The following TMEM128 variants were observed in gnomAD, a reference collection of about 807,000 sequenced individuals.
TMEM128 encodes transmembrane protein 128.
Under a neutral mutation model 19.7 loss-of-function variants are expected in TMEM128, and 16 were observed. The observed-to-expected ratio is 0.81, with a 90% CI of 0.55 to 1.23. The LOEUF (loss-of-function observed/expected upper bound fraction) is 1.23, where lower values mean the gene tolerates loss of function less well. Among genes scored for constraint, TMEM128 ranks in the 50% most tolerant of loss-of-function variants. TMEM128 has a pLI of 0.00. For missense variants in TMEM128, 237 were observed against 200.8 expected (o/e 1.18, Z -1.09); for synonymous variants, 98 against 75.8 (o/e 1.29, Z -1.52).
chr4:4,240,757 G>A (rs1360619840), intron 2 of TMEM128, among the ~76,000 whole-genome samples: 1 of 152,142 alleles, frequency 6.6e-6, no homozygotes, highest in African/African-American at 2.4e-5. Flanking sequence ...GGAAAATTCT[G>A]GTCATGACAA....
intron 2 of TMEM128, among the ~76,000 whole-genome samples, chr4:4,242,128 G>A (rs143526939): frequency 2.0e-5 from 3 of 152,046 alleles, no homozygotes; most frequent in Non-Finnish European, 4.4e-5. Flanking sequence ...GGCTGGTCTC[G>A]AATTCCTGAC....
chr4:4,247,635 T>C (rs369573953), intron 1 of TMEM128: 38 of 1,614,110 alleles, frequency 2.4e-5, no homozygotes, highest in Non-Finnish European at 3.1e-5. Flanking sequence ...TACCATAGTG[T>C]TCCACACTTC....
intron 1 of TMEM128, chr4:4,247,722 A>AC: frequency 1.3e-6 from 2 of 1,593,304 alleles, no homozygotes; most frequent in Non-Finnish European, 1.7e-6. Context: ...ATTTACTTAA[A>AC]CAGCTTTCTG....
intron 3 of TMEM128, among the ~76,000 whole-genome samples, chr4:4,239,024 G>A (rs1170514281): frequency 3.3e-5 from 5 of 152,064 alleles, no homozygotes; most frequent in African/African-American, 1.2e-4. Context: ...GTGACACAGT[G>A]AGACCCTATC....
In TMEM128 at chr4:4,246,320, T is replaced by C; in HGVS notation, c.121A>G (p.Lys41Glu). Residue 41 changes from lysine to glutamate, a missense_variant, in exon 2 of 5, where the codon AAG (lysine) becomes GAG (glutamate). Physicochemically the swap from Lys to Glu is moderately conservative, Grantham distance 56 (BLOSUM62 1). Coordinates refer to ENST00000382753, the MANE Select transcript of TMEM128 (RefSeq NM_001297551.2). ...GPETSTAVEK[K>E]EKPLPRLNIH... Reference sequence around the variant, plus strand: ...TTAAGTCTTGGAAGAGGTTTCTCCTTTTTCTCAACAGCTGTGGAGGTTTCT... The same window carrying C: ...TTAAGTCTTGGAAGAGGTTTCTCCTCTTTCTCAACAGCTGTGGAGGTTTCT... The C allele has an allele frequency of 6.2e-7, 1 of 1,610,052 alleles. No individual in the cohort carries two copies. The highest frequency in any genetic ancestry group is 1.1e-5 in the South Asian group (1 of 89,586).
In TMEM128 at chr4:4,235,808, C is replaced by T. The variant is rs1717696566; in HGVS notation, c.*458G>A. ...ACATCCAGTCATTTTATACAAGGAA[C>T]TGCTATCCCTTAAATGGAAGAGTGA... On this transcript the variant is annotated 3_prime_UTR_variant, in exon 5 of 5. Coordinates refer to ENST00000382753, the MANE Select transcript of TMEM128 (RefSeq NM_001297551.2). The T allele has an allele frequency of 6.6e-6, 1 of 152,630 alleles. No homozygotes were observed. The highest frequency in any genetic ancestry group is 2.4e-5 in the African/African-American group (1 of 41,454). 9.5% of individuals were successfully genotyped at this position (152,630 alleles called of 1,614,324 possible). A position where few individuals can be genotyped will look rare whatever the true frequency, so the allele number is the denominator to read the frequency against.
Position 4,242,523 on chromosome 4 carries a change from AT to A in TMEM128, c.240-2045del, listed in dbSNP as rs373516862. Among the ~76,000 whole-genome samples, 538 of 148,848 alleles carry A rather than the reference AT, an allele frequency of 3.6e-3. 4 individuals carry two copies. Among genetic ancestry groups the A allele is most frequent in the South Asian group, 0.024 (115 of 4,700 alleles). ...AACATGTGGATATGAGAAAAAAAAA[AT>A]TTTTTTTTTTTGAGACGGAGTCTCG... is the stretch of plus-strand genomic sequence containing the variant. On this transcript the variant is annotated intron_variant, in intron 2 of 4. Coordinates refer to ENST00000382753, the MANE Select transcript of TMEM128 (RefSeq NM_001297551.2).
intron 3 of TMEM128, among the ~76,000 whole-genome samples, chr4:4,240,035 G>A (rs1199078933): frequency 2.0e-5 from 3 of 152,026 alleles, no homozygotes; most frequent in Non-Finnish European, 4.4e-5. Flanking sequence ...ATTCATCTCA[G>A]TTTTTTTCAC....
chr4:4,241,671 G>A (rs1227697676), intron 2 of TMEM128, among the ~76,000 whole-genome samples: 3 of 152,162 alleles, frequency 2.0e-5, no homozygotes, highest in Non-Finnish European at 4.4e-5. Flanking sequence ...GGCTGTAGAG[G>A]GAAGGGGTTA....
In TMEM128 at chr4:4,246,356, G is replaced by A. The variant is rs750067494; in HGVS notation, c.98-13C>T. On this transcript the variant is annotated splice_polypyrimidine_tract_variant and intron_variant, in intron 1 of 4. Transcript: ENST00000382753. The stretch of plus-strand genomic sequence containing the variant: ...GCTGTGGAGGTTTCTGCAAATAAGG[G>A]AGATTTCAACTTATTAAGTTACCAC... The A allele has an allele frequency of 1.3e-6, 2 of 1,588,818 alleles. No homozygotes were observed. Among genetic ancestry groups the A allele is most frequent in the Non-Finnish European group, 1.7e-6 (2 of 1,172,160 alleles).
At chr4:4,239,457 C>T (rs1425924807) in intron 3 of TMEM128, among the ~76,000 whole-genome samples, 1 of 152,138 alleles carries the variant, frequency 6.6e-6, no homozygotes, top group Non-Finnish European at 1.5e-5. Context: ...GGACAAACAA[C>T]CACTTTGGAA....
intron 1 of TMEM128, among the ~76,000 whole-genome samples, 180 bp from the exon 2 acceptor site, chr4:4,246,523 A>G (rs868848992): frequency 4.5e-4 from 68 of 152,214 alleles, no homozygotes; most frequent in African/African-American, 1.5e-3. Flanking sequence ...CCACTATAAA[A>G]TATGGTCAAT....
At chr4:4,240,156 G>A (rs1717887804) in intron 3 of TMEM128, among the ~76,000 whole-genome samples, 165 bp downstream of exon 3, 1 of 152,124 alleles carries the variant, frequency 6.6e-6, no homozygotes, top group Non-Finnish European at 1.5e-5. Flanking sequence ...TAAATAGAAG[G>A]AGAAAGAGAT....
At position 4,248,207 on chromosome 4, in the gene TMEM128, G is replaced by C. The variant is rs1429851736; in HGVS notation, c.-5C>G. On this transcript the variant is annotated 5_prime_UTR_variant, in exon 1 of 5. Transcript: ENST00000382753. ...CCGGGCCCGCGAGGAGTCCATCTTG[G>C]TACCGCCCCGAAATGCGACGGAAGT... The C allele has an allele frequency of 2.0e-6, 3 of 1,499,740 alleles. No homozygotes were observed. The highest frequency in any genetic ancestry group is 2.8e-5 in the African/African-American group (2 of 70,258). The allele number at this position is 1,499,740 out of a possible 1,614,324, so 92.9% of individuals were successfully genotyped here.
chr4:4,246,085 C>T lies in TMEM128; in HGVS notation c.239+117G>A, dbSNP rs577674797. On this transcript the variant is annotated intron_variant, in intron 2 of 4. Coordinates refer to ENST00000382753, the MANE Select transcript of TMEM128 (RefSeq NM_001297551.2). ...ATTCATCTTCGTATCACCACACCTCCAACACAGGGCCTGGCAGAGAGTAGT... is the reference window on the plus strand; with the variant it reads ...ATTCATCTTCGTATCACCACACCTCTAACACAGGGCCTGGCAGAGAGTAGT... 1.6e-4 allele frequency: 176 copies of T among 1,081,494 alleles called. 1 individual carries two copies. The African/African-American group carries it at 2.5e-3, about 16-fold the overall frequency. The allele number at this position is 1,081,494 out of a possible 1,614,324, so 67.0% of individuals were successfully genotyped here.
intron 2 of TMEM128, 37 bp from the exon 3 acceptor site, chr4:4,240,516 T>C: frequency 3.1e-6 from 5 of 1,590,766 alleles, no homozygotes; most frequent in South Asian, 1.1e-5. Context: ...CTGACAGCAC[T>C]TAATGAATCG....
chr4:4,247,620 C>A (rs1205382381), intron 1 of TMEM128: 14 of 1,614,170 alleles, frequency 8.7e-6, no homozygotes, highest in African/African-American at 1.3e-5. Flanking sequence ...ACCCAAATGG[C>A]GGCATACCAT....
chr4:4,243,569 T>C (rs890936233), intron 2 of TMEM128, among the ~76,000 whole-genome samples: 1 of 152,210 alleles, frequency 6.6e-6, no homozygotes, highest in Non-Finnish European at 1.5e-5. Context: ...TGCAGCCCTC[T>C]CATTTCATGG....
chr4:4,237,475 C>A (rs1717766610), intron 4 of TMEM128, among the ~76,000 whole-genome samples: 1 of 152,084 alleles, frequency 6.6e-6, no homozygotes, highest in Non-Finnish European at 1.5e-5. Flanking sequence ...TCTGTTTCTA[C>A]AAAAAAATTT....
Sources: allele counts gnomAD v4.1 joint callset (sites outside exome capture counted in the v4.1 genomes callset), GRCh38; gene constraint gnomAD v4.1.1; transcripts MANE v1.5; gene names NCBI Gene and HGNC (gene_info 2026-07-23, HGNC 2026-07-21).